Variants in TBX15 observed in about 807,000 individuals in gnomAD.
TBX15 encodes T-box transcription factor TBX15.
A neutral mutation model predicts 53.9 loss-of-function variants in TBX15; 18 were observed. The observed-to-expected ratio is 0.33, with a 90% CI of 0.23 to 0.49. The LOEUF (loss-of-function observed/expected upper bound fraction) is 0.49, where lower values mean the gene tolerates loss of function less well. Ranked by LOEUF, TBX15 falls within the 20% of genes least tolerant of loss-of-function variation. TBX15 has a pLI of 0.98. For synonymous variants in TBX15, 295 were observed against 278.0 expected (o/e 1.06, Z -0.61); for missense variants, 692 against 749.5 (o/e 0.92, Z 0.90).
intron 1 of TBX15, among the ~76,000 whole-genome samples, chr1:118,949,289 C>T (rs1656441700): frequency 6.6e-6 from 1 of 152,300 alleles, no homozygotes; most frequent in African/African-American, 2.4e-5. Context: ...GCTATTGTGT[C>T]ATTGTTCATA....
At chr1:118,937,621 G>A (rs1656011438) in intron 1 of TBX15, among the ~76,000 whole-genome samples, 1 of 152,234 alleles carries the variant, frequency 6.6e-6, no homozygotes, top group East Asian at 1.9e-4. Flanking sequence ...AGAATGCTCT[G>A]AGATTAGATG....
chr1:118,954,998 C>A (rs1389335811), intron 1 of TBX15, among the ~76,000 whole-genome samples: 1 of 152,100 alleles, frequency 6.6e-6, no homozygotes, highest in Non-Finnish European at 1.5e-5. Context: ...AGAGTGAGAC[C>A]CACAAAGGGA....
At chr1:118,973,241 C>G (rs1390144946) in intron 1 of TBX15, among the ~76,000 whole-genome samples, 1 of 152,158 alleles carries the variant, frequency 6.6e-6, no homozygotes, top group Non-Finnish European at 1.5e-5. Context: ...TTGCTCAAAT[C>G]AGGTCTCCCT....
At chr1:118,970,052 C>T (rs1024782916) in intron 1 of TBX15, among the ~76,000 whole-genome samples, 2 of 152,242 alleles carry the variant, frequency 1.3e-5, no homozygotes, top group Admixed American at 1.3e-4. Flanking sequence ...CCTGCGTGTT[C>T]TCTGTCTCCT....
chr1:118,965,644 A>C (rs1657014085), intron 1 of TBX15, among the ~76,000 whole-genome samples: 1 of 152,214 alleles, frequency 6.6e-6, no homozygotes, highest in Non-Finnish European at 1.5e-5. Context: ...TATTTAAAGA[A>C]GGAAATGACT....
chr1:118,898,930 C>G lies in TBX15; in HGVS notation c.1024+98G>C, dbSNP rs567990763. ...TTCATTCCAGGAGAATTGGTATAAC[C>G]CATATCTTGGCCTGAGGCCAGATGT... On this transcript the variant is annotated intron_variant, in intron 7 of 7. Coordinates refer to ENST00000369429, the MANE Select transcript of TBX15 (RefSeq NM_001330677.2). The G allele has an allele frequency of 1.6e-5, 19 of 1,191,050 alleles. No homozygotes were observed. The African/African-American group carries it at 2.6e-4, about 16-fold the overall frequency. 73.8% of individuals were successfully genotyped at this position (1,191,050 alleles called of 1,614,324 possible).
chr1:118,892,137 A>G (rs1026636227), intron 7 of TBX15, among the ~76,000 whole-genome samples: 28 of 131,836 alleles, frequency 2.1e-4, no homozygotes, highest in African/African-American at 8.7e-4. Flanking sequence ...AGCTACGTAA[A>G]TAGACATCTA....
chr1:118,891,966 A>C (rs998673237), intron 7 of TBX15, among the ~76,000 whole-genome samples: 2 of 152,200 alleles, frequency 1.3e-5, no homozygotes, highest in Non-Finnish European at 2.9e-5. Flanking sequence ...TAATTCCACT[A>C]TGAATCTGAA....
intron 1 of TBX15, among the ~76,000 whole-genome samples, chr1:118,981,303 T>TACACACACACACACAC (rs35594301): frequency 2.2e-4 from 32 of 146,728 alleles, no homozygotes; most frequent in Non-Finnish European, 3.9e-4. Flanking sequence ...TTAAACTAGC[T>TACACACACACACACAC]ACACACACAC....
chr1:118,914,023 T>C, intron 6 of TBX15, 92 bp downstream of exon 6: 1 of 1,348,588 alleles, frequency 7.4e-7, no homozygotes, highest in South Asian at 1.2e-5. Flanking sequence ...ATACAGGTGT[T>C]TTCTAAAAGG....
chr1:118,966,919 T>C (rs558687765), intron 1 of TBX15, among the ~76,000 whole-genome samples: 2 of 152,348 alleles, frequency 1.3e-5, no homozygotes, highest in South Asian at 4.1e-4. Context: ...TTTGACTAAA[T>C]TTTCCAGCCA....
At chr1:118,947,046 G>T (rs961251084) in intron 1 of TBX15, among the ~76,000 whole-genome samples, 1 of 152,228 alleles carries the variant, frequency 6.6e-6, no homozygotes, top group African/African-American at 2.4e-5. Flanking sequence ...GTGCTCTTAG[G>T]CAGTGGTCCC....
At chr1:118,927,188 G>A (rs947667101) in intron 2 of TBX15, among the ~76,000 whole-genome samples, 2 of 151,988 alleles carry the variant, frequency 1.3e-5, no homozygotes, top group Non-Finnish European at 2.9e-5. Flanking sequence ...TGACCTATTT[G>A]ATGATTCATA....
intron 1 of TBX15, among the ~76,000 whole-genome samples, chr1:118,971,049 A>G (rs1373363593): frequency 6.6e-6 from 1 of 152,098 alleles, no homozygotes; most frequent in African/African-American, 2.4e-5. Flanking sequence ...TTTTTATTCT[A>G]TTTCTTTTTC....
At chr1:118,969,290 G>A (rs755798724) in intron 1 of TBX15, among the ~76,000 whole-genome samples, 2 of 152,230 alleles carry the variant, frequency 1.3e-5, no homozygotes, top group East Asian at 3.9e-4. Context: ...TTATTATAGG[G>A]GTGTCAAGGC....
intron 6 of TBX15, among the ~76,000 whole-genome samples, chr1:118,906,330 T>C (rs1040449368): frequency 6.6e-6 from 1 of 152,210 alleles, no homozygotes; most frequent in Admixed American, 6.5e-5. Context: ...AGATCCTCTG[T>C]ATACCCTTTC....
chr1:118,919,071 T>G (rs570080176), intron 5 of TBX15, among the ~76,000 whole-genome samples: 239 of 152,328 alleles, frequency 1.6e-3, no homozygotes, highest in African/African-American at 5.4e-3. Context: ...TTGGATTTGC[T>G]CACACAAACC....
intron 1 of TBX15, among the ~76,000 whole-genome samples, chr1:118,942,624 T>A (rs534203761): frequency 6.6e-6 from 1 of 152,308 alleles, no homozygotes; most frequent in African/African-American, 2.4e-5. Context: ...AGCTTTTCCT[T>A]GCATGACTGT....
intron 1 of TBX15, among the ~76,000 whole-genome samples, chr1:118,961,119 C>A (rs536056547): frequency 3.9e-5 from 6 of 152,220 alleles, no homozygotes; most frequent in Admixed American, 3.3e-4. Context: ...CTATAGGAAA[C>A]CTGATGGGAA....
Sources: gnomAD v4.1 joint callset for allele counts (sites outside exome capture counted in the v4.1 genomes callset) on GRCh38, gnomAD v4.1.1 for gene constraint, MANE v1.5 for transcripts, NCBI Gene and HGNC (gene_info 2026-07-23, HGNC 2026-07-21) for gene names.